The following DOCK3 variants were observed in gnomAD, a reference collection of about 807,000 sequenced individuals.
The protein encoded by DOCK3 is dedicator of cytokinesis 3, also known as dedicator of cytokinesis protein 3.
DOCK3 carries 60 observed loss-of-function variants against 265.6 expected under a neutral mutation model. The ratio of observed to expected loss-of-function variants is 0.23; its 90% confidence interval spans 0.18 to 0.28. DOCK3 has a LOEUF of 0.28. DOCK3 is among the 10% of genes least tolerant of loss of function. DOCK3 has a pLI of 1.00. For missense variants in DOCK3, 1,981 were observed against 2,594.3 expected (o/e 0.76, Z 5.14); for synonymous variants, 881 against 938.0 (o/e 0.94, Z 1.11).
chr3:51,056,182 T>C (rs2081195109), intron 5 of DOCK3, among the ~76,000 whole-genome samples: 1 of 152,226 alleles, frequency 6.6e-6, no homozygotes, highest in Non-Finnish European at 1.5e-5. Flanking sequence ...TTGCTGACTA[T>C]GTTGTTCGGC....
intron 37 of DOCK3, among the ~76,000 whole-genome samples, 178 bp from the exon 38 acceptor site, chr3:51,341,059 A>G (rs2085203708): frequency 6.6e-6 from 1 of 152,218 alleles, no homozygotes; most frequent in Non-Finnish European, 1.5e-5. Flanking sequence ...TGCTGTGGAC[A>G]AGGGTTATTG....
intron 1 of DOCK3, among the ~76,000 whole-genome samples, chr3:50,689,646 A>C (rs780905210): frequency 5.9e-5 from 9 of 152,242 alleles, no homozygotes; most frequent in Non-Finnish European, 1.2e-4. Context: ...GCCAGGCATT[A>C]GATTCTCATA....
At chr3:51,252,361 A>G (rs974290333) in intron 22 of DOCK3, among the ~76,000 whole-genome samples, 2 of 152,190 alleles carry the variant, frequency 1.3e-5, no homozygotes, top group African/African-American at 4.8e-5. Context: ...TCTTGGTTCC[A>G]TATGAACTTT....
intron 2 of DOCK3, among the ~76,000 whole-genome samples, chr3:50,807,118 T>C (rs9854316): frequency 0.98 from 149,215 of 152,284 alleles, 73,193 homozygotes; most frequent in Middle Eastern, 1. Flanking sequence ...TCTCCACTCC[T>C]CTGTGGCATT....
chr3:51,205,982 T>C (rs903629503), intron 12 of DOCK3, among the ~76,000 whole-genome samples: 1 of 152,212 alleles, frequency 6.6e-6, no homozygotes, highest in African/African-American at 2.4e-5. Context: ...AGGAGTTTCT[T>C]TCAAGCATAC....
intron 5 of DOCK3, among the ~76,000 whole-genome samples, chr3:51,008,524 T>C (rs2078784724): frequency 6.6e-6 from 1 of 152,224 alleles, no homozygotes; most frequent in Non-Finnish European, 1.5e-5. Context: ...TAAGGAGATT[T>C]TGGGCTGAGA....
At chr3:51,336,779 G>C in intron 35 of DOCK3, 4 of 433,394 alleles carry the variant, frequency 9.2e-6, no homozygotes. Context: ...GTTCCTTTCT[G>C]TTTAAGGGAC....
chr3:51,296,459 ATAAACT>A (rs968999961), intron 27 of DOCK3, among the ~76,000 whole-genome samples: 25 of 152,078 alleles, frequency 1.6e-4, no homozygotes, highest in African/African-American at 5.3e-4. Context: ...GAGTCCAAAA[ATAAACT>A]CTTACTTAAA....
intron 5 of DOCK3, among the ~76,000 whole-genome samples, chr3:51,045,485 A>G (rs2109066115): frequency 6.6e-6 from 1 of 152,324 alleles, no homozygotes; most frequent in South Asian, 2.1e-4. Context: ...AATTACCAGA[A>G]TTCCAGAGAC....
At chr3:51,312,310 G>A (rs1394791091) in intron 29 of DOCK3, among the ~76,000 whole-genome samples, 166 bp from the exon 30 acceptor site, 1 of 152,020 alleles carries the variant, frequency 6.6e-6, no homozygotes, top group African/African-American at 2.4e-5. Flanking sequence ...AGGAGTTAAG[G>A]GGGAAAAAAA....
chr3:51,189,975 G>C (rs2087844703), intron 12 of DOCK3, among the ~76,000 whole-genome samples: 1 of 152,156 alleles, frequency 6.6e-6, no homozygotes, highest in African/African-American at 2.4e-5. Context: ...CTGTAGTGGT[G>C]ATGAGGGGGA....
At chr3:51,165,485 A>G (rs1475766268) in intron 12 of DOCK3, among the ~76,000 whole-genome samples, 5 of 152,236 alleles carry the variant, frequency 3.3e-5, no homozygotes, top group Admixed American at 2.6e-4. Context: ...TAGCAAATAT[A>G]CAATATAGCG....
chr3:51,030,931 G>T (rs1458927356), intron 5 of DOCK3, among the ~76,000 whole-genome samples: 1 of 152,190 alleles, frequency 6.6e-6, no homozygotes, highest in Non-Finnish European at 1.5e-5. Context: ...CATGCAAAAT[G>T]TTGGGCTACC....
intron 38 of DOCK3, among the ~76,000 whole-genome samples, chr3:51,347,939 TTGTC>T (rs2085704839): frequency 6.6e-6 from 1 of 152,194 alleles, no homozygotes; most frequent in African/African-American, 2.4e-5. Context: ...GGCTCTCTGT[TTGTC>T]TGTTATTGGT....
At chr3:51,252,642 T>C (rs2079315519) in intron 22 of DOCK3, among the ~76,000 whole-genome samples, 2 of 152,148 alleles carry the variant, frequency 1.3e-5, no homozygotes, top group Non-Finnish European at 2.9e-5. Context: ...TGGGAGTTCA[T>C]TCCTGATTTG....
At chr3:50,913,351 C>T (rs967203603) in intron 4 of DOCK3, among the ~76,000 whole-genome samples, 5 of 151,924 alleles carry the variant, frequency 3.3e-5, no homozygotes, top group African/African-American at 1.2e-4. Context: ...AAAGTCTTCC[C>T]ACTCTTTCCT....
At chr3:51,261,017 T>C (rs1028997925) in intron 23 of DOCK3, among the ~76,000 whole-genome samples, 1 of 151,954 alleles carries the variant, frequency 6.6e-6, no homozygotes, top group Admixed American at 6.6e-5. Context: ...AAAATTTAGA[T>C]TAGCTTTTAT....
chr3:50,741,618 G>A (rs1248583717), intron 1 of DOCK3, among the ~76,000 whole-genome samples: 1 of 150,312 alleles, frequency 6.7e-6, no homozygotes, highest in East Asian at 2.0e-4. Context: ...CATTTTTTAT[G>A]GCTGCATAGT....
At chr3:50,790,503 T>C (rs1458500762) in intron 2 of DOCK3, among the ~76,000 whole-genome samples, 2 of 149,190 alleles carry the variant, frequency 1.3e-5, no homozygotes, top group Non-Finnish European at 3.0e-5. Context: ...GTTATTTTAG[T>C]GCTGGCTTGG....
Sources: gnomAD v4.1 joint callset for allele counts (sites outside exome capture counted in the v4.1 genomes callset) on GRCh38, gnomAD v4.1.1 for gene constraint, MANE v1.5 for transcripts, NCBI Gene and HGNC (gene_info 2026-07-23, HGNC 2026-07-21) for gene names.